AFG2A: variants seen among roughly 807,000 people sequenced by gnomAD.
AFG2A encodes the protein AAA ATPase AFG2A, also known as ATPase family gene 2 protein homolog A.
the AFG2A span, chr4:123,256,076 A>G: frequency 1.2e-6 from 2 of 1,614,096 alleles, no homozygotes; most frequent in Non-Finnish European, 1.7e-6. Flanking sequence ...GGATGCAGCA[A>G]CAAGAAGGGA....
chr4:123,173,194 A>T, the AFG2A span, among the ~76,000 whole-genome samples: 1 of 152,038 alleles, frequency 6.6e-6, no homozygotes. Context: ...AAATAAAAAA[A>T]AGCCAGGATA....
chr4:123,148,403 G>T, the AFG2A span, among the ~76,000 whole-genome samples: 3 of 152,146 alleles, frequency 2.0e-5, no homozygotes, highest in Non-Finnish European at 4.4e-5. Context: ...AGAGTGGGTG[G>T]TTATAAAATG....
At chr4:123,026,012 G>A in the AFG2A span, among the ~76,000 whole-genome samples, 1 of 152,152 alleles carries the variant, frequency 6.6e-6, no homozygotes, top group East Asian at 1.9e-4. Flanking sequence ...CAGACAATGA[G>A]TTAAGGAATC....
chr4:123,010,799 C>A, the AFG2A span, among the ~76,000 whole-genome samples: 1 of 152,216 alleles, frequency 6.6e-6, no homozygotes, highest in Non-Finnish European at 1.5e-5. Flanking sequence ...GCCTGAGATA[C>A]ATGTCCAATT....
the AFG2A span, among the ~76,000 whole-genome samples, chr4:122,974,239 G>A: frequency 6.8e-6 from 1 of 147,052 alleles, no homozygotes; most frequent in South Asian, 2.2e-4. Flanking sequence ...GTATCATTTA[G>A]TGTCAGATTT....
At chr4:123,275,229 T>A in the AFG2A span, among the ~76,000 whole-genome samples, 1 of 152,122 alleles carries the variant, frequency 6.6e-6, no homozygotes, top group South Asian at 2.1e-4. Flanking sequence ...GTAAATGATT[T>A]TGGGGGCCTG....
At chr4:123,299,038 C>G in the AFG2A span, among the ~76,000 whole-genome samples, 2 of 152,040 alleles carry the variant, frequency 1.3e-5, no homozygotes, top group Admixed American at 1.3e-4. Flanking sequence ...CTTGGAACTA[C>G]TGATGGCAAC....
the AFG2A span, among the ~76,000 whole-genome samples, chr4:123,222,012 G>T: frequency 2.0e-5 from 3 of 151,986 alleles, no homozygotes; most frequent in East Asian, 5.8e-4. Context: ...GTTTTTCATT[G>T]TCCGTTTAAA....
the AFG2A span, among the ~76,000 whole-genome samples, chr4:123,052,994 A>G: frequency 6.6e-6 from 1 of 152,176 alleles, no homozygotes; most frequent in South Asian, 2.1e-4. Context: ...CACAGATGAA[A>G]GCCAGAAGAC....
the AFG2A span, among the ~76,000 whole-genome samples, chr4:123,168,584 A>G: frequency 6.6e-6 from 1 of 152,286 alleles, no homozygotes; most frequent in Non-Finnish European, 1.5e-5. Context: ...AAAGGAAATG[A>G]TGATAAAAAA....
chr4:123,216,373 CT>C, the AFG2A span, among the ~76,000 whole-genome samples: 50 of 152,226 alleles, frequency 3.3e-4, no homozygotes, highest in African/African-American at 1.1e-3. Context: ...ATTTTTAAAA[CT>C]TTGTCCTAGA....
chr4:123,091,641 A>AT, the AFG2A span, among the ~76,000 whole-genome samples: 2 of 152,144 alleles, frequency 1.3e-5, no homozygotes, highest in Admixed American at 6.5e-5. Context: ...GGATTCTTCT[A>AT]TTTTTTTAAG....
the AFG2A span, among the ~76,000 whole-genome samples, chr4:123,051,832 T>C: frequency 6.6e-6 from 1 of 152,072 alleles, no homozygotes; most frequent in East Asian, 1.9e-4. Context: ...CTCCCTTATA[T>C]GTTATTTGTT....
At chr4:123,232,049 A>G in the AFG2A span, among the ~76,000 whole-genome samples, 3 of 152,052 alleles carry the variant, frequency 2.0e-5, no homozygotes, top group Non-Finnish European at 2.9e-5. Context: ...CACAAAGACA[A>G]GAAGTGAGCA....
the AFG2A span, among the ~76,000 whole-genome samples, chr4:123,145,461 A>G: frequency 6.6e-6 from 1 of 152,136 alleles, no homozygotes; most frequent in Admixed American, 6.5e-5. Context: ...ACCTAATAAT[A>G]GTAGCAAATA....
At chr4:123,032,884 G>T in the AFG2A span, among the ~76,000 whole-genome samples, 1 of 152,226 alleles carries the variant, frequency 6.6e-6, no homozygotes, top group African/African-American at 2.4e-5. Context: ...CTGTAGGCCA[G>T]TGTAAGCATT....
the AFG2A span, among the ~76,000 whole-genome samples, chr4:123,193,152 A>G: frequency 6.6e-6 from 1 of 152,226 alleles, no homozygotes; most frequent in Admixed American, 6.5e-5. Context: ...AATTATAAAC[A>G]TTGCACATTA....
At chr4:123,028,096 G>A in the AFG2A span, 1 of 1,072,462 alleles carries the variant, frequency 9.3e-7, no homozygotes, top group Non-Finnish European at 1.4e-6. Context: ...CTTTTTTGCA[G>A]TTCTTCTGTT....
the AFG2A span, among the ~76,000 whole-genome samples, chr4:123,189,658 C>G: frequency 6.6e-6 from 1 of 152,080 alleles, no homozygotes; most frequent in East Asian, 1.9e-4. Context: ...AGTTCCCTGA[C>G]TTTGACTGCT....
Sources: allele counts gnomAD v4.1 joint callset (sites outside exome capture counted in the v4.1 genomes callset), GRCh38; gene constraint gnomAD v4.1.1; transcripts MANE v1.5; gene names NCBI Gene and HGNC (gene_info 2026-07-23, HGNC 2026-07-21).